The following ARHGAP26 variants were observed in gnomAD, a reference collection of about 807,000 sequenced individuals.
ARHGAP26 encodes Rho GTPase activating protein 26.
A neutral mutation model predicts 104.8 loss-of-function variants in ARHGAP26; 38 were observed. That is an observed-to-expected ratio of 0.36 (90% CI 0.28 to 0.48). The LOEUF (loss-of-function observed/expected upper bound fraction) is 0.48, where lower values mean the gene tolerates loss of function less well. Among genes scored for constraint, ARHGAP26 ranks in the 20% least tolerant of loss-of-function variants. The pLI is 0.99. For missense variants in ARHGAP26, 704 were observed against 947.9 expected (o/e 0.74, Z 3.38); for synonymous variants, 341 against 340.0 (o/e 1.00, Z -0.03).
chr5:142,814,274 A>G (rs1764684782), intron 1 of ARHGAP26, among the ~76,000 whole-genome samples: 1 of 152,254 alleles, frequency 6.6e-6, no homozygotes, highest in South Asian at 2.1e-4. Context: ...GGTAATCTGC[A>G]ACTTCCCTGT....
chr5:143,116,418 A>G (rs973585477), intron 17 of ARHGAP26, among the ~76,000 whole-genome samples: 1 of 152,110 alleles, frequency 6.6e-6, no homozygotes, highest in Non-Finnish European at 1.5e-5. Context: ...TTTCAACATA[A>G]CACTCTAGGC....
At chr5:142,840,323 C>T (rs1181918772) in intron 1 of ARHGAP26, among the ~76,000 whole-genome samples, 1 of 152,064 alleles carries the variant, frequency 6.6e-6, no homozygotes, top group Non-Finnish European at 1.5e-5. Context: ...TCTGGCAAAG[C>T]CTTACCTCAT....
At chr5:143,058,664 C>A (rs1424538066) in intron 17 of ARHGAP26, among the ~76,000 whole-genome samples, 1 of 152,230 alleles carries the variant, frequency 6.6e-6, no homozygotes, top group Non-Finnish European at 1.5e-5. Context: ...TTTGCTATGC[C>A]ATTAGGGTAT....
intron 11 of ARHGAP26, among the ~76,000 whole-genome samples, chr5:142,963,513 C>T (rs950958592): frequency 2.0e-5 from 3 of 152,002 alleles, no homozygotes; most frequent in Non-Finnish European, 4.4e-5. Context: ...TTACCAGCAT[C>T]TCTTATTTTT....
At chr5:142,926,057 G>T (rs1434677307) in intron 10 of ARHGAP26, among the ~76,000 whole-genome samples, 1 of 152,206 alleles carries the variant, frequency 6.6e-6, no homozygotes, top group East Asian at 1.9e-4. Flanking sequence ...AAGCTGTCGA[G>T]TAACCCTGGA....
chr5:142,985,184 G>T (rs751984285), intron 11 of ARHGAP26, among the ~76,000 whole-genome samples: 1 of 152,046 alleles, frequency 6.6e-6, no homozygotes, highest in African/African-American at 2.4e-5. Flanking sequence ...AAAAAAACTT[G>T]TTGAATAAGG....
intron 12 of ARHGAP26, 21 bp downstream of exon 12, chr5:143,014,137 A>G: frequency 6.2e-7 from 1 of 1,613,866 alleles, no homozygotes. Flanking sequence ...TGCTTGGGTA[A>G]CCTTCTACAG....
At chr5:143,193,240 C>T (rs372094837) in intron 20 of ARHGAP26, among the ~76,000 whole-genome samples, 18 of 74,622 alleles carry the variant, frequency 2.4e-4, no homozygotes, top group Admixed American at 3.8e-4. Flanking sequence ...ATTTTCTTTT[C>T]TTTTTTTTTT....
At chr5:143,165,783 T>G (rs1452069932) in intron 20 of ARHGAP26, among the ~76,000 whole-genome samples, 1 of 152,234 alleles carries the variant, frequency 6.6e-6, no homozygotes, top group East Asian at 1.9e-4. Context: ...TGTGTATTAT[T>G]TATTCCCTGC....
chr5:143,204,331 T>C (rs911139646), intron 20 of ARHGAP26, among the ~76,000 whole-genome samples: 35 of 152,304 alleles, frequency 2.3e-4, no homozygotes, highest in African/African-American at 8.4e-4. Flanking sequence ...AAGACCAGCC[T>C]GACCAACATG....
intron 11 of ARHGAP26, among the ~76,000 whole-genome samples, chr5:142,971,660 A>C (rs1394652836): frequency 6.6e-6 from 1 of 152,150 alleles, no homozygotes; most frequent in Non-Finnish European, 1.5e-5. Flanking sequence ...CTGCCAAAAA[A>C]GTCTCGTGTA....
At chr5:143,074,089 G>T (rs1788646922) in intron 17 of ARHGAP26, among the ~76,000 whole-genome samples, 1 of 152,034 alleles carries the variant, frequency 6.6e-6, no homozygotes, top group South Asian at 2.1e-4. Flanking sequence ...TCTTAAAAAG[G>T]TTTTTGTGGA....
intron 10 of ARHGAP26, among the ~76,000 whole-genome samples, chr5:142,918,172 A>G (rs1762744661): frequency 6.6e-6 from 1 of 151,808 alleles, no homozygotes; most frequent in South Asian, 2.1e-4. Flanking sequence ...TTTGAGACAG[A>G]GTCTTGCTCT....
intron 19 of ARHGAP26, among the ~76,000 whole-genome samples, chr5:143,143,260 T>C (rs1227915826): frequency 6.6e-6 from 1 of 152,200 alleles, no homozygotes; most frequent in Non-Finnish European, 1.5e-5. Flanking sequence ...GAATTTGGCT[T>C]GGCTCTGTGA....
At chr5:142,821,636 A>G (rs1181151519) in intron 1 of ARHGAP26, among the ~76,000 whole-genome samples, 8 of 152,178 alleles carry the variant, frequency 5.3e-5, no homozygotes, top group African/African-American at 1.7e-4. Context: ...TGGTAGCTGC[A>G]GAATTGGAAC....
At position 142,871,832 on chromosome 5, in the gene ARHGAP26, G is replaced by C. The variant is rs1755349003; in HGVS notation, c.155-1568G>C. Among the ~76,000 whole-genome samples, 2 of 152,216 alleles carry C rather than the reference G, an allele frequency of 1.3e-5. No homozygotes were observed. The highest frequency in any genetic ancestry group is 6.5e-5 in the Admixed American group (1 of 15,282). On this transcript the variant is annotated intron_variant, in intron 1 of 22. Transcript: ENST00000645722. This position sits in a 1 kb window ranked among gnomAD's most constrained non-coding sequence, Gnocchi z 4.1. ...GACATTTTGGTAAGGACCATTCTGT[G>C]AAAGTGACTGAACGAGGGAGAGATC...
chr5:143,009,457 C>A (rs1024322011), intron 11 of ARHGAP26, among the ~76,000 whole-genome samples: 2 of 152,218 alleles, frequency 1.3e-5, no homozygotes, highest in Non-Finnish European at 2.9e-5. Context: ...GACCTAACTT[C>A]TCTAATGCCT....
At position 142,843,335 on chromosome 5, in the gene ARHGAP26, G is replaced by A. The variant is rs1005708154; in HGVS notation, c.155-30065G>A. ...GAGGCCTGTGTCTTTCTGACACTGAGTGGAGTTCAGGGATGCAGGGACATG... is the reference window on the plus strand; with the variant it reads ...GAGGCCTGTGTCTTTCTGACACTGAATGGAGTTCAGGGATGCAGGGACATG... On this transcript the variant is annotated intron_variant, in intron 1 of 22. Transcript: ENST00000645722. 3.9e-5 allele frequency among the ~76,000 whole-genome samples: 6 copies of A among 152,226 alleles called. No homozygotes were observed. In the East Asian group the frequency reaches 9.6e-4, roughly 24 times the overall value.
At position 142,932,112 on chromosome 5, in the gene ARHGAP26, A is replaced by G. The variant is rs1764817946; in HGVS notation, c.1094A>G (p.Asp365Gly). The G allele has an allele frequency of 6.2e-7, 1 of 1,613,946 alleles. No individual in the cohort carries two copies. Among genetic ancestry groups the G allele is most frequent in the Non-Finnish European group, 8.5e-7 (1 of 1,179,936 alleles). Residue 365 changes from aspartate (D) to glycine (G), a missense_variant, in exon 11 of 23, where the codon GAT becomes GGT. Around this residue, in one of 6 missense-constraint regions of ARHGAP26, gnomAD observed 287 missense variants for 438.8 expected, o/e 0.65. Coordinates refer to ENST00000645722, the MANE Select transcript of ARHGAP26 (RefSeq NM_001135608.3). ...EDRRLWMEAM[D>G]GREPVYNSNK... The stretch of plus-strand genomic sequence containing the variant: ...CGGAGGCTCTGGATGGAAGCCATGG[A>G]TGGCCGGGAACCTGTAAGTAACAAT...
Sources: allele counts gnomAD v4.1 joint callset (sites outside exome capture counted in the v4.1 genomes callset), GRCh38; gene constraint gnomAD v4.1.1; regional missense constraint gnomAD v4.1.1; non-coding constraint Gnocchi (gnomAD v3.1); transcripts MANE v1.5; gene names NCBI Gene and HGNC (gene_info 2026-07-23, HGNC 2026-07-21).